Variants in ITPA observed in about 807,000 individuals in gnomAD.
ITPA encodes inosine triphosphatase.
In ITPA, 29 loss-of-function variants were observed where a neutral mutation model predicts 29.6. That is an observed-to-expected ratio of 0.98 (90% CI 0.73 to 1.34). ITPA has a LOEUF of 1.34. Among genes scored for constraint, ITPA ranks in the 40% most tolerant of loss-of-function variants. The pLI, the probability that ITPA is intolerant of heterozygous loss-of-function variation, is 0.00. For missense variants in ITPA, 241 were observed against 251.5 expected (o/e 0.96, Z 0.28); for synonymous variants, 103 against 99.3 (o/e 1.04, Z -0.22).
rs932820740 is a variant in ITPA, at chr20:3,223,677, T to C, written c.*215T>C. ...CCATTCTCTTGCCCTTAGGATTCAC[T>C]GCTCTCTCCTACAGCCGCCAGGCCT... On this transcript the variant is annotated 3_prime_UTR_variant, in exon 8 of 8. Coordinates refer to ENST00000380113, the MANE Select transcript of ITPA (RefSeq NM_033453.4). 13 of 598,356 alleles carry C rather than the reference T, an allele frequency of 2.2e-5. No homozygotes were observed. The highest frequency in any genetic ancestry group is 1.4e-4 in the South Asian group (7 of 51,620). 37.1% of individuals were successfully genotyped at this position (598,356 alleles called of 1,614,324 possible). A position where few individuals can be genotyped will look rare whatever the true frequency, so the allele number is the denominator to read the frequency against.
chr20:3,214,195 G>A (rs2122331288), intron 4 of ITPA, 137 bp downstream of exon 4: 4 of 778,950 alleles, frequency 5.1e-6, no homozygotes, highest in South Asian at 1.5e-5. Context: ...GAGGAAAGAC[G>A]GGATAGGAGA....
chr20:3,220,753 A>G (rs2067442924), intron 6 of ITPA, among the ~76,000 whole-genome samples: 1 of 150,856 alleles, frequency 6.6e-6, no homozygotes, highest in African/African-American at 2.4e-5. Flanking sequence ...ATAGAGTCTG[A>G]CTGTGTTGCC....
upstream of ITPA, among the ~76,000 whole-genome samples, chr20:3,207,910 G>A (rs1183132266): frequency 3.4e-5 from 5 of 147,650 alleles, no homozygotes; most frequent in Admixed American, 6.9e-5. Context: ...CAGGAGAATC[G>A]CTTCAACCCA....
chr20:3,204,372 T>TAGGGCACTGCGGA (rs2067055935), upstream of ITPA, among the ~76,000 whole-genome samples: 1 of 151,896 alleles, frequency 6.6e-6, no homozygotes, highest in African/African-American at 2.4e-5. Flanking sequence ...CGATTCCAGG[T>TAGGGCACTGCGGA]AGGGCACTGC....
rs535464280 is a variant in ITPA, at chr20:3,222,823, A to G, written c.489-543A>G. 5.9e-5 allele frequency among the ~76,000 whole-genome samples: 9 copies of G among 152,314 alleles called. No individual in the cohort carries two copies. In the South Asian group the frequency reaches 1.7e-3, roughly 28 times the overall value. Reference sequence around the variant, plus strand: ...GCGTGTGGTGAGACCCAGAAACGGAATATTTCTGTTCAGCGTTAATTCATT... The same window carrying G: ...GCGTGTGGTGAGACCCAGAAACGGAGTATTTCTGTTCAGCGTTAATTCATT... On this transcript the variant is annotated intron_variant, in intron 7 of 7. Transcript: ENST00000380113.
chr20:3,222,166 C>T (rs957584346), intron 7 of ITPA, among the ~76,000 whole-genome samples: 2 of 151,586 alleles, frequency 1.3e-5, no homozygotes, highest in Non-Finnish European at 1.5e-5. Flanking sequence ...CCCACATCAG[C>T]TGTGTAGCCA....
At chr20:3,226,339 G>A (rs2067554148), downstream of ITPA, among the ~76,000 whole-genome samples, 1 of 152,224 alleles carries the variant, frequency 6.6e-6, no homozygotes, top group South Asian at 2.1e-4. This position sits in a 1 kb window ranked among gnomAD's most constrained non-coding sequence, Gnocchi z 4.4. Context: ...TGGGTTGACT[G>A]TTGTGCACAG....
In ITPA at chr20:3,213,086, G is replaced by A. The variant is rs11087570; in HGVS notation, c.67-83G>A. 0.022 allele frequency: 30,253 copies of A among 1,369,260 alleles called. 2,685 individuals are homozygous for A. The African/African-American group carries it at 0.25, about 11-fold the overall frequency. The allele number at this position is 1,369,260 out of a possible 1,614,324, so 84.8% of individuals were successfully genotyped here. ...TTAGGAGATGGGCAGCAGAGTTATC[G>A]ATGAGAAAGGCGGATGACAGCTCAC... On this transcript the variant is annotated intron_variant, in intron 1 of 7. Coordinates refer to ENST00000380113, the MANE Select transcript of ITPA (RefSeq NM_033453.4).
chr20:3,218,871 C>G, intron 6 of ITPA: 1 of 583,924 alleles, frequency 1.7e-6, no homozygotes, highest in Non-Finnish European at 3.1e-6. Flanking sequence ...GAGGGGTGCC[C>G]CTGGGCAGGA....
At chr20:3,225,890 A>G (rs2067549190), downstream of ITPA, among the ~76,000 whole-genome samples, 1 of 152,168 alleles carries the variant, frequency 6.6e-6, no homozygotes, top group African/African-American at 2.4e-5. Context: ...TTAGCCAGGC[A>G]TAGTGGCAGG....
chr20:3,218,771 C>T (rs562638091), intron 6 of ITPA, 139 bp downstream of exon 6: 5 of 708,228 alleles, frequency 7.1e-6, no homozygotes, highest in Admixed American at 2.0e-5. Flanking sequence ...CTGAGAGGCT[C>T]CCCTGCGCAG....
chr20:3,215,178 T>G lies in ITPA; in HGVS notation c.264-103T>G. On this transcript the variant is annotated intron_variant, in intron 4 of 7. Coordinates refer to ENST00000380113, the MANE Select transcript of ITPA (RefSeq NM_033453.4). The stretch of plus-strand genomic sequence containing the variant: ...CACCTCGCCTGGCTCTTGGAGGCAT[T>G]CTTTTTCATTTCCCCTTGGCTGTCA... 2.4e-6 allele frequency: 3 copies of G among 1,236,758 alleles called. No homozygotes were observed. In the South Asian group the frequency reaches 3.6e-5, roughly 15 times the overall value. 76.6% of individuals were successfully genotyped at this position (1,236,758 alleles called of 1,614,324 possible). A position where few individuals can be genotyped will look rare whatever the true frequency, so the allele number is the denominator to read the frequency against.
chr20:3,219,451 A>G (rs1296219072), intron 6 of ITPA, among the ~76,000 whole-genome samples: 1 of 152,012 alleles, frequency 6.6e-6, no homozygotes, highest in Admixed American at 6.6e-5. Flanking sequence ...TTTGCAAAAA[A>G]TTTTAAAATG....
chr20:3,224,489 C>T (rs76028063), downstream of ITPA, among the ~76,000 whole-genome samples: 21 of 152,340 alleles, frequency 1.4e-4, no homozygotes, highest in East Asian at 3.7e-3. Context: ...AGGCCCCTGC[C>T]GTCCCTGTGA....
chr20:3,222,475 C>T (rs1272089232), intron 7 of ITPA, among the ~76,000 whole-genome samples: 3 of 152,296 alleles, frequency 2.0e-5, no homozygotes, highest in South Asian at 4.1e-4. Flanking sequence ...TCCCAAAGTG[C>T]TGGGATTACA....
upstream of ITPA, among the ~76,000 whole-genome samples, chr20:3,206,407 A>AG: frequency 6.7e-6 from 1 of 149,842 alleles, no homozygotes; most frequent in Non-Finnish European, 1.5e-5. Flanking sequence ...AAAAAAAAAA[A>AG]AAAAGCTGGG....
chr20:3,208,620 C>T (rs779629199), upstream of ITPA, among the ~76,000 whole-genome samples: 1 of 152,246 alleles, frequency 6.6e-6, no homozygotes, highest in Non-Finnish European at 1.5e-5. Context: ...GGGTGATCCA[C>T]TCGCCTCAGC....
intron 1 of ITPA, 110 bp from the exon 2 acceptor site, chr20:3,213,059 C>T (rs1228326504): frequency 8.4e-7 from 1 of 1,194,390 alleles, no homozygotes; most frequent in Non-Finnish European, 1.3e-6. Context: ...AGTTGGTAAG[C>T]TTTAGGAGAT....
At chr20:3,218,332 T>G (rs551403415) in intron 5 of ITPA, among the ~76,000 whole-genome samples, 185 bp from the exon 6 acceptor site, 68 of 152,364 alleles carry the variant, frequency 4.5e-4, no homozygotes, top group East Asian at 3.9e-4. Context: ...GAAGCGAGAA[T>G]GCCCAGAGAC....
Sources: allele counts gnomAD v4.1 joint callset (sites outside exome capture counted in the v4.1 genomes callset), GRCh38; gene constraint gnomAD v4.1.1; non-coding constraint Gnocchi (gnomAD v3.1); transcripts MANE v1.5; gene names NCBI Gene and HGNC (gene_info 2026-07-23, HGNC 2026-07-21).